Variants in SORCS1 observed in about 807,000 individuals in gnomAD.
SORCS1 encodes VPS10 domain-containing receptor SorCS1.
A neutral mutation model predicts 146.1 loss-of-function variants in SORCS1; 60 were observed. The ratio of observed to expected loss-of-function variants is 0.41; its 90% CI spans 0.33 to 0.51. SORCS1 has a LOEUF of 0.51. SORCS1 is among the 20% of genes least tolerant of loss of function. The pLI, the probability that SORCS1 is intolerant of heterozygous loss-of-function variation, is 0.21. For synonymous variants in SORCS1, 637 were observed against 584.0 expected (o/e 1.09, Z -1.31); for missense variants, 1,352 against 1,487.6 (o/e 0.91, Z 1.50).
intron 19 of SORCS1, among the ~76,000 whole-genome samples, chr10:106,627,638 G>A (rs928398319): frequency 2.6e-5 from 4 of 152,172 alleles, no homozygotes; most frequent in Non-Finnish European, 4.4e-5. Flanking sequence ...TATATAGGAC[G>A]AGTTAGGGAT....
intron 21 of SORCS1, 62 bp from the exon 22 acceptor site, chr10:106,612,085 G>C: frequency 7.5e-7 from 1 of 1,333,576 alleles, no homozygotes; most frequent in East Asian, 2.3e-5. Context: ...AGGTTTGTTA[G>C]ACTTTATATT....
At chr10:106,852,306 G>A (rs554309606) in intron 2 of SORCS1, among the ~76,000 whole-genome samples, 1 of 152,206 alleles carries the variant, frequency 6.6e-6, no homozygotes, top group Admixed American at 6.6e-5. Context: ...CTAGCTGAAG[G>A]TATTTTGTAG....
chr10:106,926,353 A>C (rs193029944), intron 2 of SORCS1, among the ~76,000 whole-genome samples: 1 of 152,356 alleles, frequency 6.6e-6, no homozygotes, highest in African/African-American at 2.4e-5. Context: ...ACTGAGTTTT[A>C]ATAGTAGCTT....
chr10:107,106,948 A>G (rs894830012), intron 1 of SORCS1, among the ~76,000 whole-genome samples: 3 of 152,218 alleles, frequency 2.0e-5, no homozygotes, highest in African/African-American at 7.2e-5. Context: ...CTAATCTACT[A>G]GTGAAGTGAT....
chr10:106,713,374 C>G (rs553821395), intron 6 of SORCS1, among the ~76,000 whole-genome samples: 6 of 152,158 alleles, frequency 3.9e-5, no homozygotes, highest in Non-Finnish European at 5.9e-5. Flanking sequence ...AAGACTGACA[C>G]CTAATGAGGA....
At chr10:106,808,790 C>A (rs2136748813) in intron 3 of SORCS1, among the ~76,000 whole-genome samples, 1 of 152,282 alleles carries the variant, frequency 6.6e-6, no homozygotes, top group African/African-American at 2.4e-5. Context: ...GCATGAGTCA[C>A]CGGAAAAGAG....
chr10:106,685,309 G>A (rs1007242233), intron 10 of SORCS1, among the ~76,000 whole-genome samples: 1 of 152,124 alleles, frequency 6.6e-6, no homozygotes, highest in Non-Finnish European at 1.5e-5. Context: ...CTACCACATG[G>A]CAGGTATGAT....
At chr10:107,017,294 T>C (rs564128369) in intron 1 of SORCS1, among the ~76,000 whole-genome samples, 2 of 152,336 alleles carry the variant, frequency 1.3e-5, no homozygotes, top group South Asian at 2.1e-4. Context: ...GGAATATTTA[T>C]ACAATAGAAA....
intron 16 of SORCS1, among the ~76,000 whole-genome samples, chr10:106,668,167 A>C (rs1851315661): frequency 6.6e-6 from 1 of 152,176 alleles, no homozygotes. Context: ...CCTTGGTGAG[A>C]AATTCATCGC....
chr10:106,980,605 T>C (rs34491906), intron 1 of SORCS1, among the ~76,000 whole-genome samples: 1,720 of 152,244 alleles, frequency 0.011, 6 homozygotes, highest in Non-Finnish European at 0.019. Context: ...GCTTAGAAAT[T>C]TTTCTGCCAC....
chr10:106,795,852 A>T (rs1297136685), intron 3 of SORCS1, among the ~76,000 whole-genome samples: 1 of 152,184 alleles, frequency 6.6e-6, no homozygotes, highest in Non-Finnish European at 1.5e-5. Flanking sequence ...CATCTCTGCC[A>T]CTGTCTAGTT....
chr10:107,008,694 A>C (rs1957555530), intron 1 of SORCS1, among the ~76,000 whole-genome samples: 1 of 152,154 alleles, frequency 6.6e-6, no homozygotes, highest in Non-Finnish European at 1.5e-5. Context: ...ATTCAACAGC[A>C]CTCAAAAATG....
intron 19 of SORCS1, among the ~76,000 whole-genome samples, chr10:106,627,267 T>C (rs1589510642): frequency 2.0e-5 from 3 of 152,288 alleles, no homozygotes; most frequent in Admixed American, 2.0e-4. Flanking sequence ...CTGAAAAATT[T>C]AGATCAGAAG....
chr10:106,729,387 A>G (rs1856432762), intron 6 of SORCS1, among the ~76,000 whole-genome samples: 1 of 151,968 alleles, frequency 6.6e-6, no homozygotes, highest in South Asian at 2.1e-4. Flanking sequence ...AATTCACTCA[A>G]CTGACTCTCC....
intron 3 of SORCS1, among the ~76,000 whole-genome samples, chr10:106,810,677 T>G (rs1441066546): frequency 6.6e-6 from 1 of 152,200 alleles, no homozygotes; most frequent in African/African-American, 2.4e-5. Flanking sequence ...ATGAAGTAAC[T>G]AAGAATTATG....
At chr10:106,926,851 A>G (rs1953054016) in intron 2 of SORCS1, among the ~76,000 whole-genome samples, 1 of 122,104 alleles carries the variant, frequency 8.2e-6, no homozygotes, top group Non-Finnish European at 1.6e-5. Context: ...ACACACACAC[A>G]CACACACACA....
chr10:106,946,263 T>G lies in SORCS1; in HGVS notation c.626+10250A>C, dbSNP rs114446760. ...TTAATAAGACCAGTTCTATTTTGGG[T>G]ATGAACCAAATGAAAATAAGACATG... On this transcript the variant is annotated intron_variant, in intron 2 of 25. Coordinates refer to ENST00000263054, the MANE Select transcript of SORCS1 (RefSeq NM_052918.5). Among the ~76,000 whole-genome samples, 1,002 of 152,326 alleles carry G rather than the reference T, an allele frequency of 6.6e-3. 9 individuals carry two copies. Among genetic ancestry groups the G allele is most frequent in the African/African-American group, 0.023 (971 of 41,578 alleles).
intron 21 of SORCS1, among the ~76,000 whole-genome samples, chr10:106,614,187 T>G (rs1472404434): frequency 6.6e-6 from 1 of 152,250 alleles, no homozygotes; most frequent in Non-Finnish European, 1.5e-5. Flanking sequence ...AATAAACATT[T>G]GTTGAATAAA....
rs971901553 is a variant in SORCS1, at chr10:106,960,802, G to C, written c.559-4222C>G. Among the ~76,000 whole-genome samples, 51 of 152,094 alleles carry C rather than the reference G, an allele frequency of 3.4e-4. No homozygotes were observed. Among genetic ancestry groups the C allele is most frequent in the African/African-American group, 1.1e-3 (44 of 41,382 alleles). ...AGAAGGGTGCCAGAAACAGTGCCAGGTCAGGTTCTGTGCAGGAATGGGAGA... is the reference window on the plus strand; with the variant it reads ...AGAAGGGTGCCAGAAACAGTGCCAGCTCAGGTTCTGTGCAGGAATGGGAGA... On this transcript the variant is annotated intron_variant, in intron 1 of 25. Coordinates refer to ENST00000263054, the MANE Select transcript of SORCS1 (RefSeq NM_052918.5). This position sits in a 1 kb window ranked among gnomAD's most constrained non-coding sequence, Gnocchi z 4.4.
Sources: allele counts gnomAD v4.1 joint callset (sites outside exome capture counted in the v4.1 genomes callset), GRCh38; gene constraint gnomAD v4.1.1; non-coding constraint Gnocchi (gnomAD v3.1); transcripts MANE v1.5; gene names NCBI Gene and HGNC (gene_info 2026-07-23, HGNC 2026-07-21).